TLCD4: variants seen among roughly 807,000 people sequenced by gnomAD.
TLCD4 encodes the protein TLC domain containing 4.
In TLCD4, 7 loss-of-function variants were observed where a neutral mutation model predicts 24.2. The observed-to-expected ratio is 0.29, with a 90% confidence interval of 0.16 to 0.54. The LOEUF (loss-of-function observed/expected upper bound fraction) is 0.54. Ranked by LOEUF, TLCD4 falls within the 20% of genes least tolerant of loss-of-function variation. The probability of loss-of-function intolerance (pLI) is 0.95; values close to 1 mark genes in which losing one functional copy is unlikely to be tolerated. For missense variants in TLCD4, 259 were observed against 313.9 expected, an observed-to-expected ratio of 0.82 and a Z score of 1.32; for synonymous variants, 103 against 106.4, an observed-to-expected ratio of 0.97 and a Z score of 0.20.
At chr1:95,174,774 A>G (rs1332968299) in intron 6 of TLCD4, among the ~76,000 whole-genome samples, 1 of 152,054 alleles carries the variant, frequency 6.6e-6, no homozygotes, top group Non-Finnish European at 1.5e-5. Context: ...AGTCATCACT[A>G]GTGAATTATT....
the TLCD4 span, among the ~76,000 whole-genome samples, chr1:95,110,867 A>G: frequency 6.9e-5 from 2 of 29,044 alleles, no homozygotes; most frequent in Admixed American, 3.0e-4. Flanking sequence ...AAAGAAAAGT[A>G]AAAAAAAAAA....
At chr1:95,165,654 A>T (rs1242653386) in intron 5 of TLCD4, among the ~76,000 whole-genome samples, 2 of 151,912 alleles carry the variant, frequency 1.3e-5, no homozygotes, top group African/African-American at 4.8e-5. Flanking sequence ...TTTAGTAGAG[A>T]CGGGGTTTCA....
At chr1:95,181,440 TC>T (rs542299271) in intron 6 of TLCD4, among the ~76,000 whole-genome samples, 299 of 152,258 alleles carry the variant, frequency 2.0e-3, no homozygotes, top group African/African-American at 7.0e-3. Context: ...CCTTAATATG[TC>T]ATCAAAATAT....
chr1:95,117,884 G>C (rs1465031230), intron 1 of TLCD4: 1 of 151,526 alleles, frequency 6.6e-6, no homozygotes, highest in Non-Finnish European at 1.5e-5. Flanking sequence ...GTCGCTCCGG[G>C]AGCAAATGGT....
intron 5 of TLCD4, among the ~76,000 whole-genome samples, chr1:95,173,311 ATTCT>A (rs1678293164): frequency 1.4e-5 from 2 of 140,700 alleles, no homozygotes; most frequent in Non-Finnish European, 3.0e-5. Context: ...CTTTGTGATC[ATTCT>A]TTTTTTTTTT....
chr1:95,096,561 T>C, the TLCD4 span, among the ~76,000 whole-genome samples: 1 of 152,196 alleles, frequency 6.6e-6, no homozygotes, highest in Non-Finnish European at 1.5e-5. Context: ...GACCCAGATA[T>C]CAGTTGGGAT....
chr1:95,098,232 A>G, the TLCD4 span, among the ~76,000 whole-genome samples: 4 of 152,104 alleles, frequency 2.6e-5, no homozygotes, highest in African/African-American at 4.8e-5. Context: ...TTTGACTTCA[A>G]TACTCTTGAT....
At chr1:95,163,850 TC>T (rs375039366) in intron 5 of TLCD4, 2 of 152,880 alleles carry the variant, frequency 1.3e-5, no homozygotes, top group African/African-American at 4.8e-5. Context: ...TGCTGCCTGA[TC>T]CTTCCTCTGG....
intron 5 of TLCD4, among the ~76,000 whole-genome samples, chr1:95,153,301 A>G (rs987701913): frequency 1.3e-5 from 2 of 152,136 alleles, no homozygotes; most frequent in African/African-American, 4.8e-5. Context: ...GGTAAATTTT[A>G]TGTCATATAT....
chr1:95,174,558 C>T (rs191735595), intron 6 of TLCD4, among the ~76,000 whole-genome samples: 258 of 150,364 alleles, frequency 1.7e-3, no homozygotes, highest in African/African-American at 6.2e-3. Flanking sequence ...CACGATGGTG[C>T]TTGCCTGTAG....
intron 6 of TLCD4, among the ~76,000 whole-genome samples, chr1:95,177,347 TA>T (rs1403847778): frequency 6.6e-6 from 1 of 152,162 alleles, no homozygotes; most frequent in African/African-American, 2.4e-5. Context: ...TATGTCTTGT[TA>T]TTTAGTACAG....
At chr1:95,095,244 G>T in the TLCD4 span, among the ~76,000 whole-genome samples, 11 of 152,110 alleles carry the variant, frequency 7.2e-5, no homozygotes, top group Non-Finnish European at 1.5e-4. Context: ...CAGTTTTCAA[G>T]GAGGTCAAAA....
chr1:95,099,052 T>TAAAAAAAAAA, the TLCD4 span, among the ~76,000 whole-genome samples: 1 of 5,104 alleles, frequency 2.0e-4, no homozygotes, highest in Non-Finnish European at 4.2e-4. Flanking sequence ...AAACTCTGTC[T>TAAAAAAAAAA]CAAAAAAAAA....
chr1:95,109,424 T>A, the TLCD4 span, among the ~76,000 whole-genome samples: 2 of 152,090 alleles, frequency 1.3e-5, no homozygotes, highest in Non-Finnish European at 2.9e-5. Context: ...GGTCTGATTT[T>A]CATTTGTTCA....
At chr1:95,150,400 C>A in intron 4 of TLCD4, 134 bp downstream of exon 4, 1 of 1,076,106 alleles carries the variant, frequency 9.3e-7, no homozygotes, top group Non-Finnish European at 1.3e-6. Flanking sequence ...AAAATACCTC[C>A]CATGATGGTA....
chr1:95,177,935 CTTTTTTTTT>C (rs200257933), intron 6 of TLCD4, among the ~76,000 whole-genome samples: 17 of 130,338 alleles, frequency 1.3e-4, no homozygotes, highest in African/African-American at 4.8e-4. Flanking sequence ...TTTTTCTTTT[CTTTTTTTTT>C]TTTTTTGTTT....
Position 95,132,914 on chromosome 1 carries a change from A to C in TLCD4, c.-11-10977A>C, listed in dbSNP as rs1223923508. Reference sequence around the variant, plus strand: ...AGGTCAGGTAACATGAAAGCTGCACATAGCAGTCATTGTTAACCTTAGCAA... The same window carrying C: ...AGGTCAGGTAACATGAAAGCTGCACCTAGCAGTCATTGTTAACCTTAGCAA... On this transcript the variant is annotated intron_variant, in intron 1 of 6. Transcript: ENST00000370203. 2.0e-5 allele frequency among the ~76,000 whole-genome samples: 3 copies of C among 152,168 alleles called. No homozygotes were observed. The South Asian group carries it at 6.2e-4, about 32-fold the overall frequency.
the TLCD4 span, among the ~76,000 whole-genome samples, chr1:95,102,891 G>A: frequency 1.1e-4 from 16 of 151,664 alleles, no homozygotes; most frequent in Admixed American, 8.5e-4. Context: ...GAGAGCAAAA[G>A]CAGTGGATAA....
Position 95,143,988 on chromosome 1 carries a change from G to T in TLCD4, c.87G>T (p.Trp29Cys). The T allele has an allele frequency of 6.4e-7, 1 of 1,574,202 alleles. No homozygotes were observed. Among genetic ancestry groups the T allele is most frequent in the Non-Finnish European group, 8.6e-7 (1 of 1,160,920 alleles). ...TTCTTTTCTACTTTGTAAGTTACTG[G>T]TTTTCAGCAAAAGTTTCTCCAGGTT... ...FQLLFYFVSY[W>C]FSAKVSPGFN... The change falls in exon 2 of 7, where the codon TGG becomes TGT. Residue 29 changes from tryptophan (W) to cysteine (C), a missense_variant. Transcript: ENST00000370203.
Sources: gnomAD v4.1 joint callset for allele counts (sites outside exome capture counted in the v4.1 genomes callset) on GRCh38, gnomAD v4.1.1 for gene constraint, MANE v1.5 for transcripts, NCBI Gene and HGNC (gene_info 2026-07-23, HGNC 2026-07-21) for gene names.